Variants in CCDC192 observed in about 807,000 individuals in gnomAD.
The protein encoded by CCDC192 is coiled-coil domain-containing protein 192.
At chr5:127,877,437 T>C (rs965537300) in intron 6 of CCDC192, among the ~76,000 whole-genome samples, 17 of 152,182 alleles carry the variant, frequency 1.1e-4, no homozygotes, top group Admixed American at 1.1e-3. Context: ...AAGCCAGTCA[T>C]TGTAAGATCC....
intron 2 of CCDC192, among the ~76,000 whole-genome samples, chr5:127,746,104 A>G (rs1753727160): frequency 6.6e-6 from 1 of 152,226 alleles, no homozygotes; most frequent in South Asian, 2.1e-4. Flanking sequence ...AGGGAGTGGG[A>G]GAAGCTGAAA....
At chr5:127,754,178 T>C (rs149015771) in intron 2 of CCDC192, 90 bp from the exon 3 acceptor site, 3 of 394,836 alleles carry the variant, frequency 7.6e-6, no homozygotes, top group African/African-American at 6.2e-5. Flanking sequence ...TGATAAACTC[T>C]TATGGATCTT....
At chr5:127,935,239 T>A (rs1754155583) in intron 6 of CCDC192, 1 of 152,224 alleles carries the variant, frequency 6.6e-6, no homozygotes, top group Non-Finnish European at 1.5e-5. Context: ...ATTCTCTATG[T>A]GCAGGTTCCC....
chr5:127,793,003 A>G (rs1756967117), intron 3 of CCDC192, among the ~76,000 whole-genome samples: 1 of 152,178 alleles, frequency 6.6e-6, no homozygotes, highest in Non-Finnish European at 1.5e-5. Flanking sequence ...CTATAACAAA[A>G]TACAGCATAG....
chr5:127,755,592 TC>T (rs1754529899), intron 3 of CCDC192, among the ~76,000 whole-genome samples: 1 of 150,532 alleles, frequency 6.6e-6, no homozygotes, highest in South Asian at 2.1e-4. Context: ...TTTTTTTTTT[TC>T]TAAAATAAAC....
At position 127,753,468 on chromosome 5, in the gene CCDC192, C is replaced by T. The variant is rs113324819; in HGVS notation, c.115-800C>T. Reference sequence around the variant, plus strand: ...ATCCCAGCACTTTGGGAGGCTGAGGCGGGCAGATCACGAGGTCAGGATTTC... The same window carrying T: ...ATCCCAGCACTTTGGGAGGCTGAGGTGGGCAGATCACGAGGTCAGGATTTC... On this transcript the variant is annotated intron_variant, in intron 2 of 6. Coordinates refer to ENST00000514853, the MANE Select transcript of CCDC192 (RefSeq NM_001317938.2). Among the ~76,000 whole-genome samples the T allele has an allele frequency of 4.9e-3, 742 of 152,120 alleles. 1 individual carries two copies. Among genetic ancestry groups the T allele is most frequent in the African/African-American group, 0.016 (680 of 41,528 alleles).
intron 6 of CCDC192, among the ~76,000 whole-genome samples, chr5:127,891,501 C>CT (rs1752731319): frequency 6.6e-6 from 1 of 151,542 alleles, no homozygotes; most frequent in South Asian, 2.1e-4. Context: ...AGAAGGGTCC[C>CT]TCCTCCCATT....
At chr5:127,724,719 C>T (rs939069256) in intron 2 of CCDC192, among the ~76,000 whole-genome samples, 7 of 151,888 alleles carry the variant, frequency 4.6e-5, no homozygotes, top group Admixed American at 1.3e-4. Flanking sequence ...TGTGGTGGCA[C>T]GCGCCTGTAG....
Position 127,737,594 on chromosome 5 carries a change from C to G in CCDC192, c.115-16674C>G, listed in dbSNP as rs868857859. Among the ~76,000 whole-genome samples, 1,432 of 151,742 alleles carry G rather than the reference C, an allele frequency of 9.4e-3. 9 individuals are homozygous for G. Among genetic ancestry groups the G allele is most frequent in the Non-Finnish European group, 0.013 (883 of 67,952 alleles). Reference sequence around the variant, plus strand: ...CTCTTTGTAGGTCACTCAGGACTTGCTTTATGAATCTGGGTGCTCCTGTAT... The same window carrying G: ...CTCTTTGTAGGTCACTCAGGACTTGGTTTATGAATCTGGGTGCTCCTGTAT... On this transcript the variant is annotated intron_variant, in intron 2 of 6. Coordinates refer to ENST00000514853, the MANE Select transcript of CCDC192 (RefSeq NM_001317938.2).
chr5:127,751,776 T>C (rs1754188213), intron 2 of CCDC192, among the ~76,000 whole-genome samples: 1 of 152,198 alleles, frequency 6.6e-6, no homozygotes, highest in South Asian at 2.1e-4. Context: ...TTTGGTCTTT[T>C]CACATAGTCC....
intron 2 of CCDC192, among the ~76,000 whole-genome samples, chr5:127,745,956 C>T (rs1340123316): frequency 6.6e-6 from 1 of 152,196 alleles, no homozygotes; most frequent in African/African-American, 2.4e-5. Flanking sequence ...ACCACATATC[C>T]ACCTCCCAGA....
At chr5:127,716,019 T>C (rs1436416667) in intron 2 of CCDC192, among the ~76,000 whole-genome samples, 3 of 152,226 alleles carry the variant, frequency 2.0e-5, no homozygotes, top group African/African-American at 7.2e-5. Context: ...ATATTAGATA[T>C]GGCTTTGTCA....
At chr5:127,937,052 A>G (rs1348683130) in intron 6 of CCDC192, among the ~76,000 whole-genome samples, 1 of 152,232 alleles carries the variant, frequency 6.6e-6, no homozygotes, top group African/African-American at 2.4e-5. Flanking sequence ...CCACTTTGCT[A>G]AAGAGTTTTA....
chr5:127,856,562 C>T (rs969048315), intron 5 of CCDC192, among the ~76,000 whole-genome samples: 5 of 152,230 alleles, frequency 3.3e-5, no homozygotes, highest in Non-Finnish European at 7.3e-5. Context: ...ACAGGCCTAG[C>T]TTTCAGCTTA....
chr5:127,768,094 A>T (rs1433395618), intron 3 of CCDC192, among the ~76,000 whole-genome samples: 1 of 152,046 alleles, frequency 6.6e-6, no homozygotes, highest in Non-Finnish European at 1.5e-5. Flanking sequence ...TCTACTAAAA[A>T]TACAAAAATT....
chr5:127,780,798 CT>C (rs1354168653), intron 3 of CCDC192, among the ~76,000 whole-genome samples: 1 of 152,158 alleles, frequency 6.6e-6, no homozygotes, highest in African/African-American at 2.4e-5. Flanking sequence ...CTGACTGTTC[CT>C]TTTGCCATGC....
chr5:127,842,478 A>G (rs1047976736), intron 5 of CCDC192, among the ~76,000 whole-genome samples: 3 of 152,210 alleles, frequency 2.0e-5, no homozygotes, highest in Non-Finnish European at 2.9e-5. Context: ...TTGGCCTTCC[A>G]AAGTGCTGGG....
intron 6 of CCDC192, among the ~76,000 whole-genome samples, chr5:127,900,279 T>C (rs1308364553): frequency 6.6e-6 from 1 of 152,198 alleles, no homozygotes; most frequent in Non-Finnish European, 1.5e-5. Flanking sequence ...CTCTTAGAGA[T>C]GCTACAGCTT....
chr5:127,927,536 T>C (rs1161790117), intron 6 of CCDC192, among the ~76,000 whole-genome samples: 1 of 152,090 alleles, frequency 6.6e-6, no homozygotes, highest in Non-Finnish European at 1.5e-5. Flanking sequence ...AGTGACAGAG[T>C]AATAGCTGAA....
Sources: allele counts gnomAD v4.1 joint callset (sites outside exome capture counted in the v4.1 genomes callset), GRCh38; gene constraint gnomAD v4.1.1; transcripts MANE v1.5; gene names NCBI Gene and HGNC (gene_info 2026-07-23, HGNC 2026-07-21).